The following C8orf34 variants were observed in gnomAD, a reference collection of about 807,000 sequenced individuals.
The protein encoded by C8orf34 is uncharacterized protein C8orf34.
Under a neutral mutation model 68.3 loss-of-function variants are expected in C8orf34, and 65 were observed. The observed-to-expected ratio is 0.95, with a 90% CI of 0.78 to 1.17. The LOEUF is 1.17. Ranked by LOEUF, C8orf34 falls within the 50% of genes most tolerant of loss-of-function variation. The pLI, the probability that C8orf34 is intolerant of heterozygous loss-of-function variation, is 0.00. For missense variants in C8orf34, 664 were observed against 655.4 expected, an observed-to-expected ratio of 1.01 and a Z score of -0.14; for synonymous variants, 244 against 241.2, an observed-to-expected ratio of 1.01 and a Z score of -0.11.
chr8:68,544,296 C>G (rs1815798690), intron 7 of C8orf34, among the ~76,000 whole-genome samples: 1 of 152,102 alleles, frequency 6.6e-6, no homozygotes, highest in South Asian at 2.1e-4. Flanking sequence ...TTTTACCCAG[C>G]AAGAAAGAAT....
At chr8:68,398,681 C>G (rs1808823460) in intron 1 of C8orf34, among the ~76,000 whole-genome samples, 1 of 152,086 alleles carries the variant, frequency 6.6e-6, no homozygotes, top group South Asian at 2.1e-4. Flanking sequence ...ATTATTTGGA[C>G]AGAGAAGAAT....
intron 7 of C8orf34, among the ~76,000 whole-genome samples, chr8:68,635,199 T>C (rs1422203903): frequency 6.6e-6 from 1 of 152,220 alleles, no homozygotes; most frequent in Non-Finnish European, 1.5e-5. Flanking sequence ...CTTCTTTACA[T>C]ATGTCAAACA....
intron 9 of C8orf34, among the ~76,000 whole-genome samples, chr8:68,717,220 A>G (rs1821499905): frequency 6.6e-6 from 1 of 152,088 alleles, no homozygotes; most frequent in Admixed American, 6.5e-5. Flanking sequence ...AAGCTCCAAA[A>G]AGCAAATCTA....
chr8:68,503,251 ATTG>A (rs1436531285), intron 5 of C8orf34, among the ~76,000 whole-genome samples: 1 of 152,202 alleles, frequency 6.6e-6, no homozygotes, highest in Non-Finnish European at 1.5e-5. Flanking sequence ...TTAGAGTATT[ATTG>A]TTATCTATGT....
Position 68,331,044 on chromosome 8 carries a change from A to C in C8orf34, c.32A>C (p.Glu11Ala). Reference sequence around the variant, plus strand: ...TCTCCCCTCGCCTCGGAGTTGTCTGAGTTGGCGGCGCTGCGCCCAGGCTTC... The same window carrying C: ...TCTCCCCTCGCCTCGGAGTTGTCTGCGTTGGCGGCGCTGCGCCCAGGCTTC... MSSPLASELS[E>A]LAALRPGFRL... Residue 11 changes from glutamate (E) to alanine (A), a missense_variant, in exon 1 of 14, where the codon GAG becomes GCG. Coordinates refer to ENST00000518698, the MANE Select transcript of C8orf34 (RefSeq NM_052958.4). 6.8e-7 allele frequency: 1 copy of C among 1,473,120 alleles called. No individual in the cohort carries two copies. The highest frequency in any genetic ancestry group is 8.9e-7 in the Non-Finnish European group (1 of 1,124,178). The allele number at this position is 1,473,120 out of a possible 1,614,324, so 91.3% of individuals were successfully genotyped here. A position where few individuals can be genotyped will look rare whatever the true frequency, so the allele number is the denominator to read the frequency against.
chr8:68,434,813 G>A (rs530819323), intron 1 of C8orf34, among the ~76,000 whole-genome samples: 28 of 152,204 alleles, frequency 1.8e-4, no homozygotes, highest in Admixed American at 3.9e-4. Flanking sequence ...CTGGGAGGCC[G>A]AGGTAGGCGG....
intron 1 of C8orf34, among the ~76,000 whole-genome samples, chr8:68,424,546 A>G (rs1810124704): frequency 6.6e-6 from 1 of 152,202 alleles, no homozygotes. Flanking sequence ...AGCAGCTGTC[A>G]TAAAAGTGGT....
At chr8:68,577,778 C>T (rs958784850) in intron 7 of C8orf34, among the ~76,000 whole-genome samples, 50 of 151,508 alleles carry the variant, frequency 3.3e-4, no homozygotes, top group African/African-American at 1.2e-3. Flanking sequence ...GTAAAATAAA[C>T]GTGGTATACA....
chr8:68,551,358 T>C (rs1304194118), intron 7 of C8orf34, among the ~76,000 whole-genome samples: 1 of 152,078 alleles, frequency 6.6e-6, no homozygotes, highest in African/African-American at 2.4e-5. Flanking sequence ...CATTTCTTTT[T>C]TAATTCTTTC....
intron 10 of C8orf34, among the ~76,000 whole-genome samples, chr8:68,754,797 A>C (rs1446548897): frequency 6.6e-6 from 1 of 152,226 alleles, no homozygotes; most frequent in Non-Finnish European, 1.5e-5. Context: ...TGTTTATATA[A>C]AATGTCTACC....
intron 10 of C8orf34, among the ~76,000 whole-genome samples, chr8:68,745,448 TAA>T (rs1247939491): frequency 6.6e-6 from 1 of 152,036 alleles, no homozygotes; most frequent in Non-Finnish European, 1.5e-5. Context: ...GCAAATTGGA[TAA>T]AGAGTCAAGA....
At chr8:68,671,149 G>A (rs770075375) in intron 8 of C8orf34, among the ~76,000 whole-genome samples, 1 of 152,148 alleles carries the variant, frequency 6.6e-6, no homozygotes, top group Non-Finnish European at 1.5e-5. Flanking sequence ...ATGAGTTAAG[G>A]CGGAAAATAT....
intron 1 of C8orf34, among the ~76,000 whole-genome samples, chr8:68,366,590 A>C (rs1231070889): frequency 6.6e-6 from 1 of 151,492 alleles, no homozygotes; most frequent in Non-Finnish European, 1.5e-5. Context: ...CAGAAATAAC[A>C]CCGCATACCT....
Position 68,331,011 on chromosome 8 carries a change from G to A in C8orf34, c.-2G>A. 2.1e-6 allele frequency: 3 copies of A among 1,420,386 alleles called. No individual in the cohort carries two copies. Among genetic ancestry groups the A allele is most frequent in the African/African-American group, 1.5e-5 (1 of 66,004 alleles). 88.0% of individuals were successfully genotyped at this position (1,420,386 alleles called of 1,614,324 possible). On this transcript the variant is annotated 5_prime_UTR_variant, in exon 1 of 14. It removes an upstream start codon present in the reference 5' UTR. Transcript: ENST00000518698. ...GTGGGCGCGAGGCGGAGAACGCGATGAATGAGTTCTCCCCTCGCCTCGGAG... is the reference window on the plus strand; with the variant it reads ...GTGGGCGCGAGGCGGAGAACGCGATAAATGAGTTCTCCCCTCGCCTCGGAG...
chr8:68,568,878 G>A (rs768953611), intron 7 of C8orf34, among the ~76,000 whole-genome samples: 2 of 151,596 alleles, frequency 1.3e-5, no homozygotes, highest in African/African-American at 4.9e-5. Flanking sequence ...GGGCCATACC[G>A]TCTCTCTTGC....
At chr8:68,432,261 T>C in intron 1 of C8orf34, among the ~76,000 whole-genome samples, 1 of 151,864 alleles carries the variant, frequency 6.6e-6, no homozygotes, top group Non-Finnish European at 1.5e-5. Context: ...TAAATCTATG[T>C]AAAATACCTG....
At chr8:68,580,781 T>C (rs1297424897) in intron 7 of C8orf34, among the ~76,000 whole-genome samples, 16 of 152,180 alleles carry the variant, frequency 1.1e-4, no homozygotes. Context: ...AGATAGCTCT[T>C]CTTGTGAACA....
intron 8 of C8orf34, among the ~76,000 whole-genome samples, chr8:68,701,265 G>A (rs1200054967): frequency 6.6e-6 from 1 of 151,926 alleles, no homozygotes; most frequent in Non-Finnish European, 1.5e-5. Context: ...CTACCTACCT[G>A]TCTGAAATGC....
In C8orf34 at chr8:68,449,440, C is replaced by T. The variant is rs1418914420; in HGVS notation, c.607+2980C>T. The stretch of plus-strand genomic sequence containing the variant: ...CCCAGTAAGTAGTGACTCAACGTTC[C>T]CACCTCCTACCAGCCCCTGGCAACC... On this transcript the variant is annotated intron_variant, in intron 3 of 13. Transcript: ENST00000518698. Among the ~76,000 whole-genome samples the T allele has an allele frequency of 2.6e-5, 4 of 151,994 alleles. No individual in the cohort carries two copies. In the East Asian group the frequency reaches 7.7e-4, roughly 29 times the overall value.
Sources: allele counts gnomAD v4.1 joint callset (sites outside exome capture counted in the v4.1 genomes callset), GRCh38; gene constraint gnomAD v4.1.1; transcripts MANE v1.5; gene names NCBI Gene and HGNC (gene_info 2026-07-23, HGNC 2026-07-21).